WNT7B: variants seen among roughly 807,000 people sequenced by gnomAD.
The protein encoded by WNT7B is Wnt family member 7B, also known as protein Wnt-7b.
A neutral mutation model predicts 38.2 loss-of-function variants in WNT7B; 19 were observed. The observed-to-expected ratio is 0.50, with a 90% CI of 0.35 to 0.73. WNT7B has a LOEUF of 0.73. WNT7B is among the 30% of genes least tolerant of loss of function. WNT7B has a pLI of 0.01. For missense variants in WNT7B, 423 were observed against 507.9 expected (o/e 0.83, Z 1.61); for synonymous variants, 243 against 209.3 (o/e 1.16, Z -1.39).
intron 1 of WNT7B, among the ~76,000 whole-genome samples, chr22:45,961,466 T>C (rs1932195427): frequency 6.6e-6 from 1 of 151,430 alleles, no homozygotes. Flanking sequence ...TCCCACCCTG[T>C]CCCACCCTCT....
chr22:45,967,521 C>T (rs1343030286), intron 1 of WNT7B, among the ~76,000 whole-genome samples: 1 of 152,128 alleles, frequency 6.6e-6, no homozygotes, highest in Non-Finnish European at 1.5e-5. Context: ...CGCACCCTGG[C>T]CCTGGGCCGA....
chr22:45,929,371 CCCATCCACCCACTCACCCATCCATCCTT>C (rs939568893), intron 3 of WNT7B, among the ~76,000 whole-genome samples: 86 of 152,064 alleles, frequency 5.7e-4, no homozygotes, highest in African/African-American at 1.8e-3. Context: ...CATCTATTCA[CCCATCCACCCACTCACCCATCCATCCTT>C]CCATCCACCC....
chr22:45,937,992 G>C (rs1021912042), intron 2 of WNT7B, among the ~76,000 whole-genome samples: 5 of 151,952 alleles, frequency 3.3e-5, no homozygotes, highest in Non-Finnish European at 7.4e-5. Flanking sequence ...CTGGGCAATA[G>C]AGCGAGACTC....
chr22:45,931,491 G>T, intron 2 of WNT7B, 122 bp from the exon 3 acceptor site: 1 of 1,205,278 alleles, frequency 8.3e-7, no homozygotes, highest in Non-Finnish European at 1.1e-6. Context: ...TGGGCTCATC[G>T]CTCGCCCCCT....
rs1181992625 is a variant in WNT7B, at chr22:45,921,139, G to A, written c.*1717C>T. On this transcript the variant is annotated 3_prime_UTR_variant, in exon 4 of 4. Transcript: ENST00000339464. The stretch of plus-strand genomic sequence containing the variant: ...AGAACACACCCTAAATGGGGGCCAG[G>A]CCGTGGGCAGTGGGGGTGCACCAGG... The A allele has an allele frequency of 6.6e-6, 1 of 152,572 alleles. No individual in the cohort carries two copies. Among genetic ancestry groups the A allele is most frequent in the Non-Finnish European group, 1.5e-5 (1 of 68,348 alleles). The allele number at this position is 152,572 out of a possible 1,614,324, so 9.5% of individuals were successfully genotyped here. A position where few individuals can be genotyped will look rare whatever the true frequency, so the allele number is the denominator to read the frequency against.
In WNT7B at chr22:45,976,789, C is replaced by G. The variant is rs1949943748; in HGVS notation, c.-35G>C. ...AGGGGGGCTGCGCCATAGACAGCGG[C>G]GGCCGGAGGGGACGCGCGGGCCCGG... On this transcript the variant is annotated 5_prime_UTR_variant, in exon 1 of 4. Coordinates refer to ENST00000339464, the MANE Select transcript of WNT7B (RefSeq NM_058238.3). This position sits in a 1 kb window ranked among gnomAD's most constrained non-coding sequence, Gnocchi z 8.5. The G allele has an allele frequency of 6.3e-7, 1 of 1,579,546 alleles. No individual in the cohort carries two copies.
rs1309616512 is a variant in WNT7B at position 45,922,891 on chromosome 22, A to G, written c.1015T>C (p.Cys339Arg). Reference protein sequence around the residue: ...HWCCFVKCNTCSERTEVFTCK With the variant: ...HWCCFVKCNTRSERTEVFTCK ...GTGAAGACCTCGGTGCGCTCGCTGC[A>G]GGTGTTGCACTTGACGAAGCAGCAC... The change falls in exon 4 of 4, where the codon TGC becomes CGC. Residue 339 changes from cysteine (C) to arginine (R), a missense_variant. Coordinates refer to ENST00000339464, the MANE Select transcript of WNT7B (RefSeq NM_058238.3). 34 of 1,596,330 alleles carry G rather than the reference A, an allele frequency of 2.1e-5. No individual in the cohort carries two copies. The highest frequency in any genetic ancestry group is 2.8e-5 in the Non-Finnish European group (33 of 1,168,716).
intron 1 of WNT7B, among the ~76,000 whole-genome samples, chr22:45,963,927 G>A (rs1265149319): frequency 6.6e-6 from 1 of 152,038 alleles, no homozygotes; most frequent in African/African-American, 2.4e-5. Flanking sequence ...GCACAATGGG[G>A]CGCCAGGTGA....
chr22:45,925,426 G>A lies in WNT7B; in HGVS notation c.571-2091C>T, dbSNP rs921927989. 3 of 985,252 alleles carry A rather than the reference G, an allele frequency of 3.0e-6. No individual in the cohort carries two copies. The Admixed American group carries it at 1.8e-4, about 61-fold the overall frequency. The allele number at this position is 985,252 out of a possible 1,614,324, so 61.0% of individuals were successfully genotyped here. A position where few individuals can be genotyped will look rare whatever the true frequency, so the allele number is the denominator to read the frequency against. On this transcript the variant is annotated intron_variant, in intron 3 of 3. Coordinates refer to ENST00000339464, the MANE Select transcript of WNT7B (RefSeq NM_058238.3). ...GTCCCTCCCAGGATGGCAGAGGGTG[G>A]GAGGAGCCCGGGTGTCCTGAGAAGA...
chr22:45,974,243 A>G (rs529642800), intron 1 of WNT7B, among the ~76,000 whole-genome samples: 2 of 152,300 alleles, frequency 1.3e-5, no homozygotes, highest in South Asian at 4.1e-4. Context: ...CTGAGAGGTT[A>G]AAGGGCTCAC....
At chr22:45,974,429 G>C (rs1288941406) in intron 1 of WNT7B, among the ~76,000 whole-genome samples, 1 of 152,238 alleles carries the variant, frequency 6.6e-6, no homozygotes, top group African/African-American at 2.4e-5. Context: ...TGCAAAGAAA[G>C]CAGGGCCCTT....
intron 1 of WNT7B, among the ~76,000 whole-genome samples, chr22:45,953,079 C>T (rs1253347766): frequency 6.6e-6 from 1 of 152,160 alleles, no homozygotes; most frequent in Non-Finnish European, 1.5e-5. Flanking sequence ...GCGGTGGGCA[C>T]TGGTTTTGCG....
At chr22:45,970,188 C>G (rs894710799) in intron 1 of WNT7B, among the ~76,000 whole-genome samples, 1 of 152,216 alleles carries the variant, frequency 6.6e-6, no homozygotes, top group Non-Finnish European at 1.5e-5. Context: ...GCGTCTTCCT[C>G]CCTGTGGGGC....
At chr22:45,929,025 C>T (rs1005446007) in intron 3 of WNT7B, among the ~76,000 whole-genome samples, 1 of 152,206 alleles carries the variant, frequency 6.6e-6, no homozygotes, top group African/African-American at 2.4e-5. Context: ...CACTCTGAGC[C>T]TCACTCTCCT....
chr22:45,931,896 G>A (rs139899646), intron 2 of WNT7B, among the ~76,000 whole-genome samples: 59 of 152,256 alleles, frequency 3.9e-4, no homozygotes, highest in African/African-American at 1.3e-3. Context: ...GGGGGGCCTC[G>A]TCCCCACCCC....
At chr22:45,946,020 C>T (rs933248477) in intron 2 of WNT7B, among the ~76,000 whole-genome samples, 6 of 152,126 alleles carry the variant, frequency 3.9e-5, no homozygotes, top group Non-Finnish European at 8.8e-5. Flanking sequence ...AGCACGCAGT[C>T]GCTGCCCCAG....
At chr22:45,957,148 T>C (rs2146740510) in intron 1 of WNT7B, among the ~76,000 whole-genome samples, 1 of 148,860 alleles carries the variant, frequency 6.7e-6, no homozygotes, top group East Asian at 2.0e-4. Context: ...GCCCACCTCA[T>C]CTTGGAGACA....
chr22:45,941,158 C>G (rs956366755), intron 2 of WNT7B, among the ~76,000 whole-genome samples: 13 of 152,134 alleles, frequency 8.5e-5, no homozygotes, highest in Non-Finnish European at 2.9e-5. Context: ...GTCTCAGAGT[C>G]TCAGCGTAGA....
intron 3 of WNT7B, chr22:45,927,702 C>T: frequency 1.5e-6 from 1 of 686,026 alleles, no homozygotes. Flanking sequence ...TCAAGACCAG[C>T]CTGGGCAACA....
Sources: allele counts gnomAD v4.1 joint callset (sites outside exome capture counted in the v4.1 genomes callset), GRCh38; gene constraint gnomAD v4.1.1; non-coding constraint Gnocchi (gnomAD v3.1); transcripts MANE v1.5; gene names NCBI Gene and HGNC (gene_info 2026-07-23, HGNC 2026-07-21).